NRXN1: variants seen among roughly 807,000 people sequenced by gnomAD.
NRXN1 encodes the protein neurexin 1.
In NRXN1, 39 loss-of-function variants were observed where a neutral mutation model predicts 150.9. The ratio of observed to expected loss-of-function variants is 0.26; its 90% CI spans 0.20 to 0.34. The LOEUF (loss-of-function observed/expected upper bound fraction) is 0.34, where lower values mean the gene tolerates loss of function less well. Ranked by LOEUF, NRXN1 falls within the 10% of genes least tolerant of loss-of-function variation. The pLI, the probability that NRXN1 is intolerant of heterozygous loss-of-function variation, is 1.00. For missense variants in NRXN1, 1,815 were observed against 1,949.9 expected (o/e 0.93, Z 1.30); for synonymous variants, 924 against 757.0 (o/e 1.22, Z -3.62).
chr2:50,676,284 A>G (rs758655455), intron 5 of NRXN1, among the ~76,000 whole-genome samples: 37 of 152,136 alleles, frequency 2.4e-4, no homozygotes, highest in African/African-American at 3.9e-4. Context: ...TGTATAACCT[A>G]TAGAACCACG....
intron 5 of NRXN1, among the ~76,000 whole-genome samples, chr2:50,663,906 C>T (rs1411479683): frequency 6.6e-6 from 1 of 151,962 alleles, no homozygotes; most frequent in African/African-American, 2.4e-5. Context: ...TACCTAGAAC[C>T]TATTTCCCAA....
At chr2:50,487,762 G>A (rs2090980731) in intron 15 of NRXN1, among the ~76,000 whole-genome samples, 1 of 152,152 alleles carries the variant, frequency 6.6e-6, no homozygotes, top group South Asian at 2.1e-4. Context: ...TCCCTTTTGG[G>A]AATATAGTAA....
intron 5 of NRXN1, among the ~76,000 whole-genome samples, chr2:50,715,082 G>A (rs1279746794): frequency 6.6e-6 from 1 of 152,028 alleles, no homozygotes; most frequent in Non-Finnish European, 1.5e-5. Context: ...ATTATTCTAT[G>A]GAAAACAATG....
intron 5 of NRXN1, among the ~76,000 whole-genome samples, chr2:50,762,813 T>C (rs1701961413): frequency 6.6e-6 from 1 of 152,014 alleles, no homozygotes; most frequent in South Asian, 2.1e-4. Flanking sequence ...CCAGTTCATA[T>C]GTCTTTTTGG....
intron 5 of NRXN1, among the ~76,000 whole-genome samples, chr2:50,639,374 C>T (rs1206805389): frequency 1.3e-5 from 2 of 151,864 alleles, no homozygotes; most frequent in Non-Finnish European, 2.9e-5. Context: ...ACTCCCACCA[C>T]TAGGCCCAGC....
chr2:50,963,284 A>G (rs1192376076), intron 2 of NRXN1, among the ~76,000 whole-genome samples: 1 of 151,506 alleles, frequency 6.6e-6, no homozygotes, highest in Admixed American at 6.6e-5. Flanking sequence ...TGACTCAGAC[A>G]TGGCCTTTCT....
intron 5 of NRXN1, among the ~76,000 whole-genome samples, chr2:50,865,347 G>A (rs946495903): frequency 2.0e-5 from 3 of 151,942 alleles, no homozygotes; most frequent in African/African-American, 7.2e-5. Flanking sequence ...GAGAGGGGAA[G>A]TCAGTCCAAA....
chr2:50,148,056 T>C (rs1382750488), intron 18 of NRXN1, among the ~76,000 whole-genome samples: 2 of 151,704 alleles, frequency 1.3e-5, no homozygotes, highest in Non-Finnish European at 3.0e-5. Flanking sequence ...TTGCTGACTG[T>C]CAGATGCTTC....
At chr2:50,586,235 T>G (rs1673075338) in intron 8 of NRXN1, among the ~76,000 whole-genome samples, 1 of 152,192 alleles carries the variant, frequency 6.6e-6, no homozygotes, top group South Asian at 2.1e-4. Context: ...ATCACCCTCA[T>G]ACCTTCTTCA....
intron 18 of NRXN1, among the ~76,000 whole-genome samples, chr2:50,102,210 C>T (rs546827875): frequency 6.6e-6 from 1 of 152,014 alleles, no homozygotes; most frequent in African/African-American, 2.4e-5. Flanking sequence ...TAACTTTTTT[C>T]ATCTTCACAA....
At chr2:50,369,867 G>A (rs561858326) in intron 17 of NRXN1, among the ~76,000 whole-genome samples, 2 of 151,996 alleles carry the variant, frequency 1.3e-5, no homozygotes, top group East Asian at 3.9e-4. Context: ...CAGTGGTAGA[G>A]AACCACTACA....
intron 17 of NRXN1, among the ~76,000 whole-genome samples, chr2:50,281,536 A>G (rs1048158920): frequency 2.0e-5 from 3 of 152,060 alleles, no homozygotes; most frequent in Admixed American, 1.3e-4. Context: ...AAAACACATT[A>G]GAAAATATCT....
intron 5 of NRXN1, among the ~76,000 whole-genome samples, chr2:50,767,356 A>G (rs1480815073): frequency 1.3e-5 from 2 of 152,046 alleles, no homozygotes; most frequent in African/African-American, 2.4e-5. Context: ...TATTGTCTAT[A>G]AGGTATAAAT....
intron 17 of NRXN1, among the ~76,000 whole-genome samples, chr2:50,323,071 T>C (rs2076154483): frequency 6.6e-6 from 1 of 152,220 alleles, no homozygotes; most frequent in Non-Finnish European, 1.5e-5. Context: ...ATAGGTCATA[T>C]CCTTCATAAA....
chr2:50,065,530 T>C (rs1695227287), intron 19 of NRXN1, among the ~76,000 whole-genome samples: 1 of 152,168 alleles, frequency 6.6e-6, no homozygotes, highest in South Asian at 2.1e-4. Flanking sequence ...ATGAAATCAG[T>C]AATCTTCCCT....
intron 2 of NRXN1, among the ~76,000 whole-genome samples, chr2:51,004,572 G>A (rs576949273): frequency 6.6e-6 from 1 of 151,962 alleles, no homozygotes; most frequent in East Asian, 2.0e-4. Flanking sequence ...GAACCTGGGA[G>A]GCAGAGGATG....
chr2:50,324,380 C>T (rs1022084052), intron 17 of NRXN1, among the ~76,000 whole-genome samples: 1 of 152,140 alleles, frequency 6.6e-6, no homozygotes, highest in Non-Finnish European at 1.5e-5. Context: ...CTAAAGAAGC[C>T]AAGATGATAG....
chr2:50,829,713 G>C, intron 5 of NRXN1: 1 of 1,597,556 alleles, frequency 6.3e-7, no homozygotes, highest in African/African-American at 1.3e-5. Flanking sequence ...CACACCCAGA[G>C]CTCGCCCACG....
At position 50,787,477 on chromosome 2, in the gene NRXN1, G is replaced by T. The variant is rs563532354; in HGVS notation, c.832+134392C>A. 8.6e-5 allele frequency among the ~76,000 whole-genome samples: 13 copies of T among 151,696 alleles called. No individual in the cohort carries two copies. The South Asian group carries it at 2.5e-3, about 29-fold the overall frequency. ...TTCGGGATGGTGGGACAGGAGAATC[G>T]CTTGAACCCAGGAGGTAGAGGTTGC... On this transcript the variant is annotated intron_variant, in intron 5 of 22. Coordinates refer to ENST00000401669, the MANE Select transcript of NRXN1 (RefSeq NM_001330078.2).
Sources: allele counts gnomAD v4.1 joint callset (sites outside exome capture counted in the v4.1 genomes callset), GRCh38; gene constraint gnomAD v4.1.1; transcripts MANE v1.5; gene names NCBI Gene and HGNC (gene_info 2026-07-23, HGNC 2026-07-21).